Variants in FKBP11 observed in about 807,000 individuals in gnomAD.
FKBP11 encodes FKBP prolyl isomerase 11.
A neutral mutation model predicts 24.7 loss-of-function variants in FKBP11; 21 were observed. That is an observed-to-expected ratio of 0.85 (90% CI 0.60 to 1.23). FKBP11 has a LOEUF of 1.23. Among genes scored for constraint, FKBP11 ranks in the 50% most tolerant of loss-of-function variants. The probability of loss-of-function intolerance (pLI) is 0.00; values close to 1 mark genes in which losing one functional copy is unlikely to be tolerated. For synonymous variants in FKBP11, 106 were observed against 100.6 expected, an observed-to-expected ratio of 1.05 and a Z score of -0.32; for missense variants, 245 against 248.7, an observed-to-expected ratio of 0.99 and a Z score of 0.10.
At chr12:48,931,054 A>C (rs1016396806), upstream of FKBP11, among the ~76,000 whole-genome samples, 1 of 141,062 alleles carries the variant, frequency 7.1e-6, no homozygotes, top group African/African-American at 2.6e-5. Context: ...GCGTGAACCC[A>C]GGAGGCGGAG....
upstream of FKBP11, chr12:48,931,294 T>C: frequency 2.6e-6 from 2 of 756,988 alleles, no homozygotes; most frequent in Non-Finnish European, 4.3e-6. Context: ...TGGAAGGCTA[T>C]TGTCTTATCC....
chr12:48,923,653 C>T (rs1939887023), intron 5 of FKBP11, 129 bp downstream of exon 5: 1 of 1,572,758 alleles, frequency 6.4e-7, no homozygotes, highest in Admixed American at 1.8e-5. Context: ...ATGGAGGCCC[C>T]AGCCACTCCT....
chr12:48,935,155 G>A, the FKBP11 span, among the ~76,000 whole-genome samples: 1 of 152,068 alleles, frequency 6.6e-6, no homozygotes, highest in Non-Finnish European at 1.5e-5. Context: ...AGGAGTAGGT[G>A]GGTAATGTTC....
the FKBP11 span, among the ~76,000 whole-genome samples, chr12:48,934,673 A>C: frequency 1.3e-5 from 2 of 152,166 alleles, no homozygotes; most frequent in African/African-American, 2.4e-5. Context: ...CTCCCTTATC[A>C]TTATGAGAGG....
rs1444820360 is a variant in FKBP11, at chr12:48,925,113, T to C, written c.130-2A>G. The C allele has an allele frequency of 6.2e-7, 1 of 1,605,086 alleles. No individual in the cohort carries two copies. Among genetic ancestry groups the C allele is most frequent in the Non-Finnish European group, 8.5e-7 (1 of 1,174,884 alleles). ...GGCACATGGTTCTGGGGGCTCCACC[T>C]ACGATCGGACTACAGGGGTCACGGA... On this transcript the variant is annotated splice_acceptor_variant, in intron 1 of 5. Coordinates refer to ENST00000550765, the MANE Select transcript of FKBP11 (RefSeq NM_016594.3). LOFTEE classifies it high-confidence loss of function.
At chr12:48,934,138 G>C in the FKBP11 span, among the ~76,000 whole-genome samples, 2 of 152,196 alleles carry the variant, frequency 1.3e-5, no homozygotes, top group Non-Finnish European at 2.9e-5. Flanking sequence ...CTAGGCGCTT[G>C]AACTGGAAGT....
chr12:48,931,446 A>T, upstream of FKBP11: 1 of 1,536,126 alleles, frequency 6.5e-7, no homozygotes, highest in Non-Finnish European at 8.7e-7. Context: ...TGGAGGGACC[A>T]GAGAAGGAGC....
At chr12:48,931,468 A>T, upstream of FKBP11, 3 of 1,535,938 alleles carry the variant, frequency 2.0e-6, no homozygotes, top group Non-Finnish European at 2.6e-6. Context: ...TTTTCCTTGG[A>T]TCAAGTTAGA....
the FKBP11 span, among the ~76,000 whole-genome samples, chr12:48,935,153 G>A: frequency 6.6e-6 from 1 of 152,092 alleles, no homozygotes; most frequent in Admixed American, 6.6e-5. Flanking sequence ...TGAGGAGTAG[G>A]TGGGTAATGT....
chr12:48,928,146 G>A (rs768276968), upstream of FKBP11, among the ~76,000 whole-genome samples: 1 of 141,566 alleles, frequency 7.1e-6, no homozygotes, highest in Non-Finnish European at 1.5e-5. Context: ...CTGGGCTCAA[G>A]TGATTTTCCT....
At chr12:48,929,928 G>C (rs535720412), upstream of FKBP11, among the ~76,000 whole-genome samples, 36 of 152,212 alleles carry the variant, frequency 2.4e-4, 1 homozygote, top group South Asian at 7.5e-3. Context: ...GATTCTCTTA[G>C]CTAGGATCTC....
intron 5 of FKBP11, chr12:48,922,473 A>G (rs1317989809): frequency 1.1e-6 from 1 of 923,596 alleles, no homozygotes; most frequent in African/African-American, 1.7e-5. Context: ...TATGAAATGT[A>G]CAGGCTCTTC....
At chr12:48,932,470 G>C in the FKBP11 span, among the ~76,000 whole-genome samples, 5 of 149,996 alleles carry the variant, frequency 3.3e-5, no homozygotes, top group Non-Finnish European at 5.9e-5. Flanking sequence ...TTTCTTTCAG[G>C]TATGTTTATG....
chr12:48,929,404 C>T (rs776897569), upstream of FKBP11, among the ~76,000 whole-genome samples: 16 of 152,052 alleles, frequency 1.1e-4, no homozygotes, highest in African/African-American at 1.9e-4. Context: ...GCCATGATCA[C>T]GCCACTGCAC....
the FKBP11 span, among the ~76,000 whole-genome samples, chr12:48,932,889 G>C: frequency 6.6e-6 from 1 of 152,160 alleles, no homozygotes; most frequent in African/African-American, 2.4e-5. Context: ...GAAGGGTGAG[G>C]GAAGGAAGGG....
Position 48,923,793 on chromosome 12 carries a change from G to A in FKBP11, c.377C>T (p.Pro126Leu), listed in dbSNP as rs1350352588. ...CCTAGTCAGATTACCTGGGACAGAT[G>A]GTGGAAATCCCCGTTTTCCATAGGC... ...HLAYGKRGFP[P>L]SVPADAVVQY... Residue 126 changes from proline to leucine, a missense_variant, in exon 5 of 6, where the codon CCA becomes CTA. Transcript: ENST00000550765. The A allele has an allele frequency of 6.2e-7, 1 of 1,613,748 alleles. No individual in the cohort carries two copies. Among genetic ancestry groups the A allele is most frequent in the African/African-American group, 1.3e-5 (1 of 74,884 alleles).
chr12:48,933,180 T>G, the FKBP11 span, among the ~76,000 whole-genome samples: 1 of 152,318 alleles, frequency 6.6e-6, no homozygotes, highest in East Asian at 1.9e-4. Context: ...TTCCATTTCC[T>G]CTGTCCTAAC....
chr12:48,932,230 TA>T, the FKBP11 span, among the ~76,000 whole-genome samples: 16 of 26,392 alleles, frequency 6.1e-4, no homozygotes, highest in African/African-American at 1.9e-3. Flanking sequence ...CATATATTTA[TA>T]TATATATATA....
the FKBP11 span, among the ~76,000 whole-genome samples, chr12:48,933,199 CT>C: frequency 6.6e-6 from 1 of 152,174 alleles, no homozygotes; most frequent in African/African-American, 2.4e-5. Context: ...ACCCTCTTCC[CT>C]TTTCTCAGGA....
Sources: allele counts gnomAD v4.1 joint callset (sites outside exome capture counted in the v4.1 genomes callset), GRCh38; gene constraint gnomAD v4.1.1; transcripts MANE v1.5; gene names NCBI Gene and HGNC (gene_info 2026-07-23, HGNC 2026-07-21).